Variants in DACH2 observed in about 807,000 individuals in gnomAD.
The protein encoded by DACH2 is dachshund family transcription factor 2, also known as dachshund homolog 2.
DACH2 carries 17 observed loss-of-function variants against 35.8 expected under a neutral mutation model. The ratio of observed to expected loss-of-function variants is 0.48; its 90% CI spans 0.33 to 0.71. DACH2 has a LOEUF of 0.71. Ranked by LOEUF, DACH2 falls within the 30% of genes least tolerant of loss-of-function variation. The pLI, the probability that DACH2 is intolerant of heterozygous loss-of-function variation, is 0.02. For synonymous variants in DACH2, 195 were observed against 177.3 expected (o/e 1.10, Z -0.79); for missense variants, 469 against 472.7 (o/e 0.99, Z 0.07).
chrX:86,683,975 G>A (rs905641794), intron 4 of DACH2, among the ~76,000 whole-genome samples: 5 of 110,921 alleles, frequency 4.5e-5, no homozygotes, highest in African/African-American at 1.6e-4. Flanking sequence ...AGGATTTTTT[G>A]AAGGATACAA....
chrX:86,308,298 G>A (rs2034729521), intron 1 of DACH2, among the ~76,000 whole-genome samples: 1 of 112,591 alleles, frequency 8.9e-6, no homozygotes, highest in Non-Finnish European at 1.9e-5. Flanking sequence ...AAATACAATG[G>A]GAATAATTGG....
At chrX:86,552,786 T>A (rs1394535566) in intron 3 of DACH2, among the ~76,000 whole-genome samples, 1 of 111,376 alleles carries the variant, frequency 9.0e-6, no homozygotes, top group Non-Finnish European at 1.9e-5. Flanking sequence ...TCCTGGCTTC[T>A]ATGTTAAGTA....
chrX:86,392,082 T>G (rs1409747258), intron 2 of DACH2, among the ~76,000 whole-genome samples: 1 of 111,401 alleles, frequency 9.0e-6, no homozygotes, highest in Non-Finnish European at 1.9e-5. Flanking sequence ...AGAAAACATG[T>G]TTTCTCCAAC....
At chrX:86,602,538 G>A in intron 3 of DACH2, among the ~76,000 whole-genome samples, 1 of 111,933 alleles carries the variant, frequency 8.9e-6, no homozygotes, top group East Asian at 2.8e-4. Context: ...TGGATTTTAG[G>A]CATTTTAACA....
At chrX:86,297,977 A>G (rs2034501893) in intron 1 of DACH2, among the ~76,000 whole-genome samples, 1 of 112,050 alleles carries the variant, frequency 8.9e-6, no homozygotes, top group Admixed American at 9.5e-5. Flanking sequence ...AGATAGTTCC[A>G]CAGGTGACTC....
intron 1 of DACH2, among the ~76,000 whole-genome samples, chrX:86,348,636 T>A (rs1387202566): frequency 3.6e-5 from 4 of 112,256 alleles, no homozygotes; most frequent in Non-Finnish European, 7.5e-5. Flanking sequence ...TCTTTTTTTT[T>A]AATCGAATAA....
At chrX:86,412,487 G>A (rs901795591) in intron 2 of DACH2, among the ~76,000 whole-genome samples, 12 of 111,564 alleles carry the variant, frequency 1.1e-4, no homozygotes, top group East Asian at 8.5e-4. Context: ...AGGTCATTCC[G>A]CCATTCTATC....
At chrX:86,397,352 T>G (rs1473316733) in intron 2 of DACH2, among the ~76,000 whole-genome samples, 1 of 111,611 alleles carries the variant, frequency 9.0e-6, no homozygotes, top group Non-Finnish European at 1.9e-5. Flanking sequence ...ACAATTTGAC[T>G]TCCTCTTTTC....
intron 3 of DACH2, among the ~76,000 whole-genome samples, chrX:86,529,801 A>T (rs772412041): frequency 2.6e-4 from 29 of 110,968 alleles, no homozygotes; most frequent in African/African-American, 9.2e-4. Flanking sequence ...CCCTCATATG[A>T]GTGAGAACAT....
intron 3 of DACH2, among the ~76,000 whole-genome samples, chrX:86,520,389 C>A (rs2038535076): frequency 9.0e-6 from 1 of 111,379 alleles, no homozygotes; most frequent in South Asian, 3.7e-4. Flanking sequence ...TTGTTTTTGG[C>A]TGGAGAGTTA....
chrX:86,337,349 G>A (rs1012547363), intron 1 of DACH2, among the ~76,000 whole-genome samples: 3 of 112,257 alleles, frequency 2.7e-5, no homozygotes, highest in African/African-American at 9.7e-5. Flanking sequence ...TACCCATAAA[G>A]GGAAGCCTAT....
intron 3 of DACH2, among the ~76,000 whole-genome samples, chrX:86,567,994 G>A (rs1021039643): frequency 8.1e-5 from 9 of 111,423 alleles, no homozygotes; most frequent in African/African-American, 2.9e-4. Context: ...GCAATATCAA[G>A]CAATGAAAAG....
At chrX:86,560,435 T>C (rs1316530351) in intron 3 of DACH2, among the ~76,000 whole-genome samples, 20 of 98,908 alleles carry the variant, frequency 2.0e-4, no homozygotes, top group African/African-American at 5.0e-4. Context: ...TTGCTCTTCT[T>C]GAGGAGTATC....
chrX:86,451,088 A>C (rs4576572), intron 2 of DACH2, among the ~76,000 whole-genome samples: 1 of 110,126 alleles, frequency 9.1e-6, no homozygotes, highest in Non-Finnish European at 1.9e-5. Flanking sequence ...CCAATTTGTC[A>C]AATTTCCTTT....
At chrX:86,254,528 A>G (rs1266855922) in intron 1 of DACH2, among the ~76,000 whole-genome samples, 1 of 108,326 alleles carries the variant, frequency 9.2e-6, no homozygotes, top group East Asian at 2.9e-4. Flanking sequence ...GCTAAGAATG[A>G]AATTTAGCTC....
intron 1 of DACH2, among the ~76,000 whole-genome samples, chrX:86,338,662 C>T (rs1448508540): frequency 4.5e-5 from 5 of 110,751 alleles, no homozygotes; most frequent in Admixed American, 9.6e-5. Flanking sequence ...AAAGAACTAG[C>T]GAAACAAGAG....
At chrX:86,401,140 C>G (rs1412261013) in intron 2 of DACH2, among the ~76,000 whole-genome samples, 1 of 112,079 alleles carries the variant, frequency 8.9e-6, no homozygotes, top group Non-Finnish European at 1.9e-5. Flanking sequence ...GCTGTGCTAG[C>G]AATGATTGAG....
intron 1 of DACH2, among the ~76,000 whole-genome samples, chrX:86,311,796 T>A (rs1447572311): frequency 9.0e-6 from 1 of 111,065 alleles, no homozygotes; most frequent in Non-Finnish European, 1.9e-5. Context: ...AAGAAGGGAG[T>A]TACAGTGTTG....
intron 3 of DACH2, among the ~76,000 whole-genome samples, chrX:86,590,613 A>G (rs2039632190): frequency 9.0e-6 from 1 of 111,346 alleles, no homozygotes; most frequent in African/African-American, 3.3e-5. Flanking sequence ...ATATGGCAAG[A>G]GTATGTCTAG....
Sources: allele counts gnomAD v4.1 joint callset (sites outside exome capture counted in the v4.1 genomes callset), GRCh38; gene constraint gnomAD v4.1.1; transcripts MANE v1.5; gene names NCBI Gene and HGNC (gene_info 2026-07-23, HGNC 2026-07-21).